Variants in CYREN observed in about 807,000 individuals in gnomAD.
The protein encoded by CYREN is cell cycle regulator of non-homologous end joining.
A neutral mutation model predicts 9.7 loss-of-function variants in CYREN; 7 were observed. The observed-to-expected ratio is 0.72, with a 90% confidence interval of 0.41 to 1.36. CYREN has a LOEUF of 1.36. Ranked by LOEUF, CYREN falls within the 40% of genes most tolerant of loss-of-function variation. The pLI, the probability that CYREN is intolerant of heterozygous loss-of-function variation, is 0.01. For missense variants in CYREN, 215 were observed against 198.1 expected (o/e 1.09, Z -0.51); for synonymous variants, 76 against 77.9 (o/e 0.98, Z 0.13).
chr7:135,132,071 G>A (rs930782092), intron 2 of CYREN, among the ~76,000 whole-genome samples: 29 of 152,090 alleles, frequency 1.9e-4, no homozygotes, highest in Non-Finnish European at 4.0e-4. Context: ...GGCCTAGGTG[G>A]TTTTAGAAGA....
At chr7:135,113,655 C>A (rs2117166604) in intron 2 of CYREN, among the ~76,000 whole-genome samples, 1 of 152,338 alleles carries the variant, frequency 6.6e-6, no homozygotes, top group African/African-American at 2.4e-5. Context: ...AGTATGTAGA[C>A]TCTAAATTGT....
Position 135,166,867 on chromosome 7 carries a change from C to G in CYREN, c.218G>C (p.Arg73Pro). 6.2e-7 allele frequency: 1 copy of G among 1,613,094 alleles called. No individual in the cohort carries two copies. Among genetic ancestry groups the G allele is most frequent in the Non-Finnish European group, 8.5e-7 (1 of 1,179,252 alleles). The part of the protein sequence containing the change: ...DVALGILIES[R>P]KQEKACEQPA... ...CTGCTCGCAGGCCTTTTCCTGTTTG[C>G]GGCTCTGTGGAGTACGGGAAAACGC... Residue 73 changes from arginine (R) to proline (P), a missense_variant, in exon 4 of 4, where the codon CGC becomes CCC. Coordinates refer to ENST00000393114, the MANE Select transcript of CYREN (RefSeq NM_024033.4).
exon 3 of CYREN, chr7:135,093,839 C>CCTT (rs1177965654): frequency 2.0e-5 from 3 of 152,146 alleles, no homozygotes; most frequent in African/African-American, 4.8e-5. Flanking sequence ...TTCCTGATTT[C>CCTT]AAAACTGACT....
At chr7:135,147,025 T>G (rs1189827471) in intron 2 of CYREN, among the ~76,000 whole-genome samples, 1 of 152,174 alleles carries the variant, frequency 6.6e-6, no homozygotes, top group Non-Finnish European at 1.5e-5. Flanking sequence ...TTAAAGGCAT[T>G]AATATGGATG....
chr7:135,165,521 C>T (rs533643041), downstream of CYREN: 11 of 169,674 alleles, frequency 6.5e-5, no homozygotes, highest in Non-Finnish European at 1.4e-4. Flanking sequence ...GGAACTCCAA[C>T]CCCAGAGGTC....
chr7:135,135,166 C>T, intron 2 of CYREN: 1 of 1,550,958 alleles, frequency 6.4e-7, no homozygotes, highest in Non-Finnish European at 8.7e-7. Context: ...AAGCTCTAAG[C>T]ATACAGCCCT....
At chr7:135,123,519 T>G (rs1827435125) in intron 2 of CYREN, among the ~76,000 whole-genome samples, 1 of 152,106 alleles carries the variant, frequency 6.6e-6, no homozygotes, top group Non-Finnish European at 1.5e-5. Flanking sequence ...CAGGCCAATA[T>G]GCAAATTCAG....
chr7:135,128,828 T>G, intron 2 of CYREN: 1 of 1,149,834 alleles, frequency 8.7e-7, no homozygotes, highest in Non-Finnish European at 1.3e-6. Flanking sequence ...GAGACAGCTG[T>G]GTGCAGGATG....
chr7:135,138,256 G>A (rs1035363829), intron 2 of CYREN, among the ~76,000 whole-genome samples: 1 of 151,770 alleles, frequency 6.6e-6, no homozygotes, highest in African/African-American at 2.4e-5. Flanking sequence ...GAAAGCAATA[G>A]AAAAGGAATA....
chr7:135,128,967 T>C, intron 2 of CYREN: 1 of 1,583,152 alleles, frequency 6.3e-7, no homozygotes, highest in African/African-American at 1.3e-5. Flanking sequence ...TGAATGCATG[T>C]ACTTCTTGGA....
chr7:135,126,414 C>G (rs1478277788), intron 2 of CYREN, among the ~76,000 whole-genome samples: 1 of 152,188 alleles, frequency 6.6e-6, no homozygotes, highest in Non-Finnish European at 1.5e-5. Context: ...GAAAAACATT[C>G]CATCCTCGTG....
intron 2 of CYREN, among the ~76,000 whole-genome samples, chr7:135,142,839 A>T (rs578129300): frequency 6.6e-6 from 1 of 152,346 alleles, no homozygotes; most frequent in Non-Finnish European, 1.5e-5. Flanking sequence ...ATAAATGGAA[A>T]GACAGTCTGT....
At chr7:135,136,205 G>A (rs771769583) in intron 2 of CYREN, among the ~76,000 whole-genome samples, 12 of 152,080 alleles carry the variant, frequency 7.9e-5, no homozygotes, top group Non-Finnish European at 1.6e-4. Flanking sequence ...GAAGGGTCAG[G>A]TAGGAGAGGT....
intron 3 of CYREN, chr7:135,167,084 C>T (rs1487943446): frequency 1.7e-5 from 17 of 985,034 alleles, no homozygotes; most frequent in Middle Eastern, 5.2e-4. Flanking sequence ...AGAACCCACT[C>T]GGGAGAGAAG....
At chr7:135,148,561 C>T (rs1562920651) in intron 2 of CYREN, among the ~76,000 whole-genome samples, 1 of 152,224 alleles carries the variant, frequency 6.6e-6, no homozygotes, top group Non-Finnish European at 1.5e-5. Context: ...GCAGGGCTGA[C>T]TGCACACAGC....
At chr7:135,117,755 C>G (rs980598327) in intron 2 of CYREN, among the ~76,000 whole-genome samples, 1 of 152,216 alleles carries the variant, frequency 6.6e-6, no homozygotes, top group Non-Finnish European at 1.5e-5. Context: ...ACACCTATAT[C>G]AGATACTTTT....
intron 3 of CYREN, 28 bp from the exon 4 acceptor site, chr7:135,166,899 A>C: frequency 6.2e-7 from 1 of 1,603,228 alleles, no homozygotes; most frequent in Non-Finnish European, 8.5e-7. Context: ...ACGCAGGCTC[A>C]ACATACGTGT....
intron 2 of CYREN, chr7:135,115,694 G>GAA: frequency 1.7e-6 from 2 of 1,159,794 alleles, no homozygotes; most frequent in Non-Finnish European, 2.4e-6. Context: ...ATTATCCTAC[G>GAA]AAAAAAAAAT....
intron 2 of CYREN, among the ~76,000 whole-genome samples, chr7:135,105,174 A>G (rs1274076000): frequency 2.0e-5 from 3 of 149,938 alleles, no homozygotes; most frequent in Admixed American, 6.7e-5. Flanking sequence ...GATTCAAGAG[A>G]TTCTCTTGCC....
Sources: allele counts gnomAD v4.1 joint callset (sites outside exome capture counted in the v4.1 genomes callset), GRCh38; gene constraint gnomAD v4.1.1; transcripts MANE v1.5; gene names NCBI Gene and HGNC (gene_info 2026-07-23, HGNC 2026-07-21).